Variants in MALRD1 observed in about 807,000 individuals in gnomAD.
MALRD1 encodes the protein MAM and LDL-receptor class A domain-containing protein 1.
A neutral mutation model predicts 242.1 loss-of-function variants in MALRD1; 247 were observed. The observed-to-expected ratio is 1.02, with a 90% confidence interval of 0.92 to 1.13. The LOEUF is 1.13. MALRD1 is among the 50% of genes most tolerant of loss of function. MALRD1 has a pLI of 0.00. For missense variants in MALRD1, 2,989 were observed against 2,533.1 expected, an observed-to-expected ratio of 1.18 and a Z score of -3.86; for synonymous variants, 995 against 866.6, an observed-to-expected ratio of 1.15 and a Z score of -2.60.
At chr10:19,477,089 G>A (rs780182792) in intron 29 of MALRD1, among the ~76,000 whole-genome samples, 2 of 152,074 alleles carry the variant, frequency 1.3e-5, no homozygotes, top group African/African-American at 2.4e-5. Flanking sequence ...GGGAATGCCT[G>A]CGGCTTGAAA....
chr10:19,331,644 C>T, intron 24 of MALRD1, 62 bp downstream of exon 24: 1 of 1,330,880 alleles, frequency 7.5e-7, no homozygotes, highest in Non-Finnish European at 1.0e-6. Context: ...TACTCAATAT[C>T]TGTGTTTATT....
chr10:19,411,867 C>T (rs928882827), intron 28 of MALRD1, among the ~76,000 whole-genome samples: 29 of 152,098 alleles, frequency 1.9e-4, no homozygotes, highest in Non-Finnish European at 8.8e-5. Flanking sequence ...TTGCAACTGC[C>T]AAAACTTTCT....
chr10:19,541,099 A>G (rs952430964), intron 32 of MALRD1, among the ~76,000 whole-genome samples: 62 of 152,302 alleles, frequency 4.1e-4, no homozygotes, highest in African/African-American at 1.5e-3. Flanking sequence ...TCTTATTATG[A>G]AAGTTATTGA....
At chr10:19,698,921 T>C (rs1241142872) in intron 38 of MALRD1, among the ~76,000 whole-genome samples, 1 of 152,188 alleles carries the variant, frequency 6.6e-6, no homozygotes, top group Non-Finnish European at 1.5e-5. Context: ...GGAACCATTA[T>C]TCTTAGCAAA....
intron 18 of MALRD1, among the ~76,000 whole-genome samples, chr10:19,214,341 C>A (rs1281836845): frequency 6.6e-6 from 1 of 152,180 alleles, no homozygotes; most frequent in Non-Finnish European, 1.5e-5. Context: ...ACTGACTTTA[C>A]AGCGTCTTGC....
intron 28 of MALRD1, among the ~76,000 whole-genome samples, chr10:19,392,331 C>T (rs759675109): frequency 2.0e-5 from 3 of 152,102 alleles, no homozygotes; most frequent in Non-Finnish European, 4.4e-5. Context: ...GGGTCCAAAA[C>T]TCATTTGTTT....
At chr10:19,318,836 G>A (rs529302538) in intron 21 of MALRD1, among the ~76,000 whole-genome samples, 7 of 152,048 alleles carry the variant, frequency 4.6e-5, no homozygotes, top group African/African-American at 1.7e-4. Context: ...AGGTCTGCTA[G>A]ACCCTGTGTA....
chr10:19,569,417 T>C (rs1245546005), intron 33 of MALRD1, among the ~76,000 whole-genome samples: 2 of 151,874 alleles, frequency 1.3e-5, no homozygotes. Context: ...TTTCTCATTT[T>C]CACCTCCAAA....
intron 34 of MALRD1, 48 bp downstream of exon 34, chr10:19,595,505 TA>T: frequency 2.0e-6 from 3 of 1,509,046 alleles, no homozygotes; most frequent in Non-Finnish European, 1.8e-6. Flanking sequence ...CATGCTGCTT[TA>T]AAATGAGAAA....
chr10:19,561,812 TG>T (rs1835979837), intron 32 of MALRD1, among the ~76,000 whole-genome samples: 1 of 151,852 alleles, frequency 6.6e-6, no homozygotes, highest in South Asian at 2.1e-4. Context: ...CTAGAGGGGA[TG>T]GGGTTTTATA....
intron 36 of MALRD1, among the ~76,000 whole-genome samples, chr10:19,661,990 T>G (rs190882758): frequency 1.4e-4 from 22 of 152,290 alleles, no homozygotes; most frequent in Admixed American, 1.4e-3. Flanking sequence ...AAATTCATTT[T>G]CCAATATATA....
intron 28 of MALRD1, among the ~76,000 whole-genome samples, chr10:19,429,853 G>A (rs1834050391): frequency 6.6e-6 from 1 of 151,918 alleles, no homozygotes; most frequent in Non-Finnish European, 1.5e-5. Context: ...CTACTCTCAG[G>A]CTTCTGAGCT....
chr10:19,224,443 C>T (rs1381817417), intron 18 of MALRD1, among the ~76,000 whole-genome samples: 5 of 152,100 alleles, frequency 3.3e-5, no homozygotes, highest in South Asian at 2.1e-4. Context: ...TATGCCACCA[C>T]GCCTGGCTAA....
At chr10:19,494,545 G>T (rs1837629261) in intron 30 of MALRD1, among the ~76,000 whole-genome samples, 1 of 152,160 alleles carries the variant, frequency 6.6e-6, no homozygotes, top group Non-Finnish European at 1.5e-5. Context: ...CAATTATGCA[G>T]GAGCTGACGG....
intron 21 of MALRD1, among the ~76,000 whole-genome samples, chr10:19,301,451 A>G (rs1213677521): frequency 6.6e-6 from 1 of 151,876 alleles, no homozygotes; most frequent in East Asian, 1.9e-4. Context: ...TAACAAAGAC[A>G]TGGAATCAAC....
chr10:19,477,484 A>T (rs1836791633), intron 29 of MALRD1, among the ~76,000 whole-genome samples: 2 of 152,086 alleles, frequency 1.3e-5, no homozygotes, highest in Admixed American at 1.3e-4. Flanking sequence ...AAATAAATAA[A>T]TAAACACAAT....
intron 28 of MALRD1, among the ~76,000 whole-genome samples, chr10:19,424,844 T>C (rs1412710420): frequency 6.6e-6 from 1 of 152,036 alleles, no homozygotes; most frequent in Non-Finnish European, 1.5e-5. Context: ...AGTAACTGGA[T>C]TAATATCAGG....
chr10:19,062,527 CAA>C (rs1274221435), intron 1 of MALRD1, among the ~76,000 whole-genome samples: 1 of 152,196 alleles, frequency 6.6e-6, no homozygotes, highest in Non-Finnish European at 1.5e-5. Flanking sequence ...AAAAACCACT[CAA>C]GTGTCCATTG....
Position 19,498,571 on chromosome 10 carries a change from G to A in MALRD1, c.5245G>A (p.Glu1749Lys). 1 of 1,550,358 alleles carries A rather than the reference G, an allele frequency of 6.5e-7. No homozygotes were observed. Among genetic ancestry groups the A allele is most frequent in the African/African-American group, 1.4e-5 (1 of 73,136 alleles). ...AGCCTGCAGTCTTACTCAAGACTCT[G>A]AGGATGACTTGGACTGGGCCATTGG... ...TTACSLTQDS[E>K]DDLDWAIGSR... is the part of the protein sequence containing the mutation. The change falls in exon 31 of 40, where the codon GAG becomes AAG. Residue 1749 changes from glutamate to lysine, a missense_variant. By Grantham distance (56) the Glu-to-Lys change is moderately conservative (BLOSUM62 1). Coordinates refer to ENST00000454679, the MANE Select transcript of MALRD1 (RefSeq NM_001142308.3).
Sources: gnomAD v4.1 joint callset for allele counts (sites outside exome capture counted in the v4.1 genomes callset) on GRCh38, gnomAD v4.1.1 for gene constraint, MANE v1.5 for transcripts, NCBI Gene and HGNC (gene_info 2026-07-23, HGNC 2026-07-21) for gene names.